IL20RB: variants seen among roughly 807,000 people sequenced by gnomAD.
IL20RB encodes interleukin-20 receptor subunit beta.
IL20RB carries 21 observed loss-of-function variants against 33.3 expected under a neutral mutation model. That is an observed-to-expected ratio of 0.63 (90% CI 0.45 to 0.91). The LOEUF is 0.91. Ranked by LOEUF, IL20RB falls within the 40% of genes least tolerant of loss-of-function variation. The pLI is 0.00. For missense variants in IL20RB, 345 were observed against 384.8 expected (o/e 0.90, Z 0.86); for synonymous variants, 147 against 146.8 (o/e 1.00, Z -0.01).
At chr3:136,986,782 G>A (rs778038979) in intron 3 of IL20RB, 30 of 456,008 alleles carry the variant, frequency 6.6e-5, no homozygotes, top group African/African-American at 8.0e-5. Flanking sequence ...GCAGACCCTC[G>A]CGGTGAGTGT....
At position 136,980,591 on chromosome 3, in the gene IL20RB, G is replaced by A; in HGVS notation, c.214G>A (p.Gly72Arg). 3.1e-6 allele frequency: 5 copies of A among 1,614,148 alleles called. No homozygotes were observed. The highest frequency in any genetic ancestry group is 2.2e-5 in the East Asian group (1 of 44,886). The change falls in exon 2 of 7, where the codon GGG becomes AGG. Residue 72 changes from glycine (G) to arginine (R), a missense_variant and splice_region_variant. Transcript: ENST00000329582. ...AGTGTACTATTCTGTCGAATACCAG[G>A]GGTGAGTTTTTTCTTTTAATAGTTC... Reference protein sequence around the residue: ...ETVYYSVEYQGEYESLYTSHI... With the variant: ...ETVYYSVEYQREYESLYTSHI...
intron 4 of IL20RB, among the ~76,000 whole-genome samples, 186 bp downstream of exon 4, chr3:136,989,751 C>T (rs954746678): frequency 1.3e-5 from 2 of 152,152 alleles, no homozygotes; most frequent in Non-Finnish European, 1.5e-5. Context: ...CTTCCTTGGT[C>T]CATTCAATCA....
intron 6 of IL20RB, among the ~76,000 whole-genome samples, chr3:137,009,371 T>C (rs138766036): frequency 1.3e-5 from 2 of 152,262 alleles, no homozygotes; most frequent in African/African-American, 4.8e-5. Context: ...GATTGTGTAC[T>C]GGGGCCACTG....
intron 4 of IL20RB, among the ~76,000 whole-genome samples, chr3:136,991,655 C>T (rs1237388056): frequency 6.6e-6 from 1 of 152,228 alleles, no homozygotes; most frequent in Non-Finnish European, 1.5e-5. Context: ...GTCGCCCAAG[C>T]TGGAGTGCAG....
intron 6 of IL20RB, among the ~76,000 whole-genome samples, chr3:136,997,474 A>G (rs1942152764): frequency 1.3e-5 from 2 of 151,760 alleles, no homozygotes; most frequent in Admixed American, 6.6e-5. Flanking sequence ...ATTTAAATGT[A>G]TTCAGATTTT....
chr3:136,963,738 A>T (rs1577007660), intron 1 of IL20RB, among the ~76,000 whole-genome samples: 4 of 108,230 alleles, frequency 3.7e-5, no homozygotes, highest in African/African-American at 1.1e-4. Context: ...ACATGTGCAC[A>T]TTGTGCAGGT....
intron 4 of IL20RB, among the ~76,000 whole-genome samples, chr3:136,990,730 A>G (rs1339250969): frequency 1.3e-5 from 2 of 152,124 alleles, no homozygotes; most frequent in Non-Finnish European, 2.9e-5. Context: ...CAGTATCTGG[A>G]CTAAGAGCAC....
Position 136,994,248 on chromosome 3 carries a change from T to C in IL20RB, c.683-1166T>C, listed in dbSNP as rs114270255. Among the ~76,000 whole-genome samples the C allele has an allele frequency of 9.6e-3, 1,460 of 152,266 alleles. 34 individuals carry two copies. The highest frequency in any genetic ancestry group is 0.034 in the African/African-American group (1,394 of 41,548). On this transcript the variant is annotated intron_variant, in intron 5 of 6. Coordinates refer to ENST00000329582, the MANE Select transcript of IL20RB (RefSeq NM_144717.4). Reference sequence around the variant, plus strand: ...ATGACTATAGTCAACAATAACCTAATTGTATATTTTAACATAACTTAAAGA... The same window carrying C: ...ATGACTATAGTCAACAATAACCTAACTGTATATTTTAACATAACTTAAAGA...
intron 3 of IL20RB, among the ~76,000 whole-genome samples, chr3:136,983,492 A>G (rs564752197): frequency 2.0e-5 from 3 of 152,188 alleles, no homozygotes; most frequent in East Asian, 3.9e-4. Context: ...GGGTTGTAAT[A>G]CTCCTACTGA....
At chr3:137,002,344 T>C (rs1031276737) in intron 6 of IL20RB, among the ~76,000 whole-genome samples, 13 of 152,302 alleles carry the variant, frequency 8.5e-5, no homozygotes, top group Middle Eastern at 3.4e-3. Context: ...CTTGAGGAAT[T>C]GCCACACTGT....
At chr3:136,963,593 G>T (rs1471693826) in intron 1 of IL20RB, among the ~76,000 whole-genome samples, 2 of 150,620 alleles carry the variant, frequency 1.3e-5, no homozygotes, top group African/African-American at 4.9e-5. Flanking sequence ...GTCTATTCAT[G>T]TCCTTTGCCT....
intron 6 of IL20RB, among the ~76,000 whole-genome samples, chr3:136,998,129 CTTTTTT>C (rs35491086): frequency 8.4e-6 from 1 of 119,414 alleles, no homozygotes; most frequent in Non-Finnish European, 1.7e-5. Flanking sequence ...ATTTTCTTTT[CTTTTTT>C]TTTTTTTTTT....
chr3:137,009,219 G>A (rs1933015553), intron 6 of IL20RB, among the ~76,000 whole-genome samples: 1 of 152,160 alleles, frequency 6.6e-6, no homozygotes, highest in South Asian at 2.1e-4. Context: ...GTGCCCAGAT[G>A]GTACCCTTGG....
At chr3:136,988,113 C>T (rs1056484939) in intron 3 of IL20RB, among the ~76,000 whole-genome samples, 2 of 152,214 alleles carry the variant, frequency 1.3e-5, no homozygotes, top group Non-Finnish European at 2.9e-5. Context: ...CCAGAGTGAG[C>T]GAGGGCTGTG....
intron 1 of IL20RB, among the ~76,000 whole-genome samples, chr3:136,961,374 C>T (rs1458880485): frequency 6.6e-6 from 1 of 151,840 alleles, no homozygotes; most frequent in Admixed American, 6.6e-5. Context: ...TTCCCAACCT[C>T]AAATGCACAT....
chr3:136,979,375 A>T (rs1390453200), intron 1 of IL20RB, among the ~76,000 whole-genome samples: 2 of 152,174 alleles, frequency 1.3e-5, no homozygotes, highest in African/African-American at 4.8e-5. Flanking sequence ...CAATCTGGAG[A>T]TAGGCACAGA....
intron 3 of IL20RB, among the ~76,000 whole-genome samples, chr3:136,987,538 G>A (rs965365879): frequency 6.6e-6 from 1 of 152,218 alleles, no homozygotes; most frequent in Admixed American, 6.5e-5. Flanking sequence ...AGTGGATCCC[G>A]CACCAGGGCT....
chr3:136,988,912 C>T (rs1457788976), intron 3 of IL20RB, among the ~76,000 whole-genome samples: 18 of 152,144 alleles, frequency 1.2e-4, no homozygotes, highest in Admixed American at 1.2e-3. Flanking sequence ...ATGCACATGG[C>T]CCTGCCAGGT....
intron 6 of IL20RB, among the ~76,000 whole-genome samples, chr3:136,995,811 G>A (rs964557436): frequency 7.2e-5 from 11 of 152,182 alleles, no homozygotes; most frequent in African/African-American, 2.4e-4. Flanking sequence ...ATGGCAAAGA[G>A]AGAAGATGTG....
Sources: gnomAD v4.1 joint callset for allele counts (sites outside exome capture counted in the v4.1 genomes callset) on GRCh38, gnomAD v4.1.1 for gene constraint, MANE v1.5 for transcripts, NCBI Gene and HGNC (gene_info 2026-07-23, HGNC 2026-07-21) for gene names.